WNT7A: variants seen among roughly 807,000 people sequenced by gnomAD.
WNT7A encodes the protein Wnt family member 7A.
Under a neutral mutation model 28.2 loss-of-function variants are expected in WNT7A, and 16 were observed. The ratio of observed to expected loss-of-function variants is 0.57; its 90% confidence interval spans 0.38 to 0.86. The LOEUF (loss-of-function observed/expected upper bound fraction) is 0.86. Ranked by LOEUF, WNT7A falls within the 40% of genes least tolerant of loss-of-function variation. The pLI, the probability that WNT7A is intolerant of heterozygous loss-of-function variation, is 0.00. For synonymous variants in WNT7A, 190 were observed against 195.9 expected (o/e 0.97, Z 0.25); for missense variants, 411 against 489.7 (o/e 0.84, Z 1.52).
At chr3:13,868,665 AGTGGGAG>A (rs1694958134) in intron 2 of WNT7A, among the ~76,000 whole-genome samples, 1 of 3,846 alleles carries the variant, frequency 2.6e-4, no homozygotes, top group African/African-American at 9.6e-4. Context: ...GGAGGGAGGG[AGTGGGAG>A]AGAGGGGGAG....
Position 13,845,895 on chromosome 3 carries a change from G to T in WNT7A, c.570+8637C>A, listed in dbSNP as rs140123680. ...GAGAAGAGAAGTCTCTCCCACTGCT[G>T]TTCATCAGGCTGAACAAGTCCAGAA... On this transcript the variant is annotated intron_variant, in intron 3 of 3. Transcript: ENST00000285018. 9.9e-4 allele frequency among the ~76,000 whole-genome samples: 151 copies of T among 152,352 alleles called. 1 individual carries two copies. The highest frequency in any genetic ancestry group is 3.5e-3 in the African/African-American group (146 of 41,588).
At chr3:13,851,622 T>C (rs1694639547) in intron 3 of WNT7A, among the ~76,000 whole-genome samples, 1 of 152,236 alleles carries the variant, frequency 6.6e-6, no homozygotes, top group African/African-American at 2.4e-5. Flanking sequence ...TTGTACCTGA[T>C]TCTCTCACTA....
chr3:13,825,551 C>T (rs1465856822), intron 3 of WNT7A, among the ~76,000 whole-genome samples: 3 of 152,148 alleles, frequency 2.0e-5, no homozygotes, highest in Non-Finnish European at 1.5e-5. Context: ...TTTAAGCTAC[C>T]AGCAGTTTAA....
chr3:13,861,160 T>G (rs1559304492), intron 2 of WNT7A, among the ~76,000 whole-genome samples: 1 of 152,178 alleles, frequency 6.6e-6, no homozygotes, highest in Non-Finnish European at 1.5e-5. Context: ...AGGCCTACAT[T>G]CTTGCCCAGA....
intron 2 of WNT7A, chr3:13,863,876 A>G (rs1343949864): frequency 2.0e-5 from 3 of 152,182 alleles, no homozygotes; most frequent in African/African-American, 4.8e-5. Context: ...ATCCCCAGAC[A>G]TGGGACCCTC....
At chr3:13,874,367 T>C (rs1051553605) in intron 2 of WNT7A, among the ~76,000 whole-genome samples, 2 of 152,194 alleles carry the variant, frequency 1.3e-5, no homozygotes, top group African/African-American at 2.4e-5. Flanking sequence ...AAACTCTGTG[T>C]GTATGTATGT....
intron 3 of WNT7A, among the ~76,000 whole-genome samples, chr3:13,828,568 G>C (rs1694233603): frequency 6.6e-6 from 1 of 152,212 alleles, no homozygotes; most frequent in African/African-American, 2.4e-5. Flanking sequence ...CCAGCCCCAA[G>C]TTGATGGGTT....
rs1233584438 is a variant in WNT7A, at chr3:13,879,838, C to T, written c.-22G>A. The T allele has an allele frequency of 1.2e-6, 2 of 1,606,040 alleles. No homozygotes were observed. Among genetic ancestry groups the T allele is most frequent in the East Asian group, 2.2e-5 (1 of 44,478 alleles). On this transcript the variant is annotated 5_prime_UTR_variant, in exon 1 of 4. Coordinates refer to ENST00000285018, the MANE Select transcript of WNT7A (RefSeq NM_004625.4). ...TCATAGTCCCGATTGGCCGCCGGGG[C>T]CGCGGGCCGGGCTGTGCTGATCCCG...
chr3:13,819,101 G>A lies in WNT7A; in HGVS notation c.893C>T (p.Ala298Val), dbSNP rs1428932847. 4.3e-6 allele frequency: 7 copies of A among 1,614,052 alleles called. No homozygotes were observed. Among genetic ancestry groups the A allele is most frequent in the Non-Finnish European group, 5.9e-6 (7 of 1,180,024 alleles). The change falls in exon 4 of 4, where the codon GCT becomes GTT. Residue 298 changes from alanine to valine, a missense_variant. Physicochemically the swap from Ala to Val is moderately conservative, Grantham distance 64. Coordinates refer to ENST00000285018, the MANE Select transcript of WNT7A (RefSeq NM_004625.4). ...GAGGTCACAGCCGCTGGCCTGGGGA[G>A]CCGTCTTGTTGCAGGCGCGGCCCTG... is the stretch of plus-strand genomic sequence containing the variant. ...GTQGRACNKTAPQASGCDLMC... is the reference protein window; with the variant it reads ...GTQGRACNKTVPQASGCDLMC...
chr3:13,860,923 A>T (rs1694818201), intron 2 of WNT7A, among the ~76,000 whole-genome samples: 1 of 152,222 alleles, frequency 6.6e-6, no homozygotes, highest in Admixed American at 6.5e-5. Flanking sequence ...AAAGACATAC[A>T]AAATGTTTCT....
At position 13,832,414 on chromosome 3, in the gene WNT7A, T is replaced by C. The variant is rs116896517; in HGVS notation, c.571-12991A>G. On this transcript the variant is annotated intron_variant, in intron 3 of 3. Transcript: ENST00000285018. ...TCTACAGGCTCCTCCCACTCTTCCTTCTCACAGGCTCCTCCTCTTTCTCAA... is the reference window on the plus strand; with the variant it reads ...TCTACAGGCTCCTCCCACTCTTCCTCCTCACAGGCTCCTCCTCTTTCTCAA... 4.8e-4 allele frequency among the ~76,000 whole-genome samples: 70 copies of C among 144,788 alleles called. 1 individual carries two copies. The East Asian group carries it at 0.012, about 26-fold the overall frequency. The allele number at this position is 144,788 out of a possible 152,430, so 95.0% of individuals were successfully genotyped here.
rs1694132825 is a variant in WNT7A, at chr3:13,822,736, T to G, written c.571-3313A>C. Among the ~76,000 whole-genome samples the G allele has an allele frequency of 2.6e-5, 4 of 152,238 alleles. No individual in the cohort carries two copies. The South Asian group carries it at 8.3e-4, about 31-fold the overall frequency. The stretch of plus-strand genomic sequence containing the variant: ...CATGTGAATTATACCTCAGTAAAGT[T>G]GTTTTCTTAAAAAAGGCAATGGGAA... On this transcript the variant is annotated intron_variant, in intron 3 of 3. Coordinates refer to ENST00000285018, the MANE Select transcript of WNT7A (RefSeq NM_004625.4).
chr3:13,862,130 T>C (rs1271473209), intron 2 of WNT7A, among the ~76,000 whole-genome samples: 3 of 152,242 alleles, frequency 2.0e-5, no homozygotes. Context: ...TAGGAGGACA[T>C]TGCCAAGTTG....
chr3:13,840,600 C>CCATT (rs1694441302), intron 3 of WNT7A, among the ~76,000 whole-genome samples: 1 of 145,490 alleles, frequency 6.9e-6, no homozygotes, highest in African/African-American at 2.6e-5. Flanking sequence ...ATTCATTCAT[C>CCATT]CATCCATCCA....
chr3:13,872,674 G>A (rs1003589287), intron 2 of WNT7A, among the ~76,000 whole-genome samples: 1 of 152,146 alleles, frequency 6.6e-6, no homozygotes, highest in Non-Finnish European at 1.5e-5. Context: ...GGTGTGCGCT[G>A]GCAGTATTCC....
At chr3:13,828,265 G>A (rs578186894) in intron 3 of WNT7A, among the ~76,000 whole-genome samples, 4 of 152,306 alleles carry the variant, frequency 2.6e-5, no homozygotes, top group East Asian at 3.9e-4. Flanking sequence ...GACAGGCATC[G>A]TGCAACCACA....
intron 3 of WNT7A, among the ~76,000 whole-genome samples, chr3:13,850,303 G>A (rs1027308248): frequency 6.6e-6 from 1 of 152,194 alleles, no homozygotes; most frequent in South Asian, 2.1e-4. Flanking sequence ...CCTCGGGACA[G>A]CAGAGAGGAG....
Position 13,819,261 on chromosome 3 carries a change from G to A in WNT7A, c.733C>T (p.Arg245Cys), listed in dbSNP as rs1559293096. 4.3e-6 allele frequency: 7 copies of A among 1,614,214 alleles called. No homozygotes were observed. Among genetic ancestry groups the A allele is most frequent in the South Asian group, 1.1e-5 (1 of 91,080 alleles). The part of the protein sequence containing the change: ...AVHVEPVRAS[R>C]NKRPTFLKIK... ...TTCAGGAAGGTGGGCCGCTTGTTGC[G>A]GCTGGCACGCACAGGCTCCACGTGA... The change falls in exon 4 of 4, where the codon CGC becomes TGC. Residue 245 changes from arginine (R) to cysteine (C), a missense_variant. Coordinates refer to ENST00000285018, the MANE Select transcript of WNT7A (RefSeq NM_004625.4).
intron 2 of WNT7A, among the ~76,000 whole-genome samples, chr3:13,870,536 C>T (rs1243326603): frequency 6.6e-6 from 1 of 152,196 alleles, no homozygotes; most frequent in Non-Finnish European, 1.5e-5. Flanking sequence ...GTTCCTCTCC[C>T]CTGAGAGATG....
Sources: gnomAD v4.1 joint callset for allele counts (sites outside exome capture counted in the v4.1 genomes callset) on GRCh38, gnomAD v4.1.1 for gene constraint, MANE v1.5 for transcripts, NCBI Gene and HGNC (gene_info 2026-07-23, HGNC 2026-07-21) for gene names.